The following TCF4 variants were observed in gnomAD, a reference collection of about 807,000 sequenced individuals.
The protein encoded by TCF4 is SL3-3 enhancer factor 2.
A neutral mutation model predicts 82.1 loss-of-function variants in TCF4; 3 were observed. The ratio of observed to expected loss-of-function variants is 0.04; its 90% confidence interval spans 0.02 to 0.09. The LOEUF is 0.09. TCF4 is among the 10% of genes least tolerant of loss of function. TCF4 has a pLI of 1.00. For synonymous variants in TCF4, 276 were observed against 309.6 expected, an observed-to-expected ratio of 0.89 and a Z score of 1.14; for missense variants, 518 against 852.7, an observed-to-expected ratio of 0.61 and a Z score of 4.89.
intron 2 of TCF4, among the ~76,000 whole-genome samples, chr18:55,628,514 A>G (rs909400125): frequency 7.9e-5 from 12 of 152,176 alleles, no homozygotes; most frequent in African/African-American, 2.2e-4. Flanking sequence ...CTTATTTTTA[A>G]ATGTTGTGTT....
At chr18:55,432,274 G>T (rs375411643) in intron 5 of TCF4, among the ~76,000 whole-genome samples, 8 of 152,264 alleles carry the variant, frequency 5.3e-5, no homozygotes, top group East Asian at 3.9e-4. Flanking sequence ...CTGCATTCCA[G>T]CCTGGGCGAC....
At chr18:55,458,147 C>G (rs1039875202) in intron 5 of TCF4, among the ~76,000 whole-genome samples, 3 of 152,116 alleles carry the variant, frequency 2.0e-5, no homozygotes, top group Non-Finnish European at 4.4e-5. Context: ...TAGCAGACGC[C>G]TAATTCAGTC....
At chr18:55,575,113 A>T (rs1363595692) in intron 3 of TCF4, among the ~76,000 whole-genome samples, 1 of 152,218 alleles carries the variant, frequency 6.6e-6, no homozygotes, top group Non-Finnish European at 1.5e-5. Context: ...TATAAAAGAG[A>T]AATTGTTCAA....
intron 8 of TCF4, among the ~76,000 whole-genome samples, chr18:55,297,746 C>T (rs185127596): frequency 2.0e-5 from 3 of 150,186 alleles, no homozygotes; most frequent in African/African-American, 7.3e-5. Context: ...TGAATAACTA[C>T]AAACAAAAAA....
intron 3 of TCF4, among the ~76,000 whole-genome samples, chr18:55,494,973 A>C (rs983061310): frequency 6.6e-6 from 1 of 151,240 alleles, no homozygotes; most frequent in Non-Finnish European, 1.5e-5. Context: ...TTTAAAAAAA[A>C]AAAAAAAGAA....
intron 6 of TCF4, among the ~76,000 whole-genome samples, chr18:55,357,395 G>C (rs1013196538): frequency 6.6e-6 from 1 of 152,106 alleles, no homozygotes; most frequent in Non-Finnish European, 1.5e-5. Flanking sequence ...TCTCAGTTCA[G>C]GAAGTTCATT....
chr18:55,275,608 G>A lies in TCF4; in HGVS notation c.789+11C>T, dbSNP rs2061360364. The A allele has an allele frequency of 6.2e-7, 1 of 1,613,660 alleles. No individual in the cohort carries two copies. Among genetic ancestry groups the A allele is most frequent in the Non-Finnish European group, 8.5e-7 (1 of 1,179,688 alleles). ...CTGTGACATTCCCGTTACCGTGTAT[G>A]TCTGCCTTACCAAACGTTCATGTGG... On this transcript the variant is annotated intron_variant, in intron 10 of 19. Coordinates refer to ENST00000354452, the MANE Select transcript of TCF4 (RefSeq NM_001083962.2).
At chr18:55,422,276 TA>T (rs1407747563) in intron 5 of TCF4, 1 of 985,222 alleles carries the variant, frequency 1.0e-6, no homozygotes, top group East Asian at 1.1e-4. Context: ...TGTGGATGAA[TA>T]AACTGTTGTG....
intron 6 of TCF4, among the ~76,000 whole-genome samples, chr18:55,369,789 G>A (rs137895330): frequency 1.9e-4 from 29 of 152,318 alleles, no homozygotes; most frequent in Middle Eastern, 3.4e-3. Flanking sequence ...GTTTATAAAC[G>A]TCAAAATTCA....
chr18:55,363,519 C>T (rs2086030561), intron 6 of TCF4, among the ~76,000 whole-genome samples: 1 of 152,034 alleles, frequency 6.6e-6, no homozygotes, highest in Non-Finnish European at 1.5e-5. Context: ...CAAAACATTA[C>T]CCAGCTGGGC....
intron 3 of TCF4, chr18:55,518,946 A>G (rs2096909207): frequency 6.6e-6 from 1 of 152,154 alleles, no homozygotes; most frequent in Non-Finnish European, 1.5e-5. Context: ...ATATCCAAGC[A>G]TGCCACACAA....
intron 5 of TCF4, among the ~76,000 whole-genome samples, chr18:55,437,739 G>A (rs1162681368): frequency 2.0e-5 from 3 of 152,176 alleles, no homozygotes; most frequent in Admixed American, 6.5e-5. Flanking sequence ...GTATGAATGG[G>A]CCACATGTTA....
rs141695704 is a variant in TCF4, at chr18:55,234,859, T to C, written c.1351-176A>G. Among the ~76,000 whole-genome samples the C allele has an allele frequency of 1.2e-4, 18 of 152,220 alleles. No individual in the cohort carries two copies. In the East Asian group the frequency reaches 3.5e-3, roughly 29 times the overall value. On this transcript the variant is annotated intron_variant, in intron 15 of 19. Transcript: ENST00000354452. Reference sequence around the variant, plus strand: ...ACCTATAGTTCCCGGCGAAAACACTTAACACTCAGTAAGATGCCGTGCTGT... The same window carrying C: ...ACCTATAGTTCCCGGCGAAAACACTCAACACTCAGTAAGATGCCGTGCTGT...
intron 3 of TCF4, among the ~76,000 whole-genome samples, chr18:55,470,726 T>C (rs1330246526): frequency 6.6e-6 from 1 of 152,196 alleles, no homozygotes; most frequent in African/African-American, 2.4e-5. Context: ...TTTATGAAAT[T>C]AGAAAAATGC....
At chr18:55,455,210 A>G (rs1334681364) in intron 5 of TCF4, among the ~76,000 whole-genome samples, 1 of 150,550 alleles carries the variant, frequency 6.6e-6, no homozygotes, top group Admixed American at 6.6e-5. Context: ...AAAAGAAAAG[A>G]AAAAGAAGAA....
chr18:55,277,579 T>C (rs897720700), intron 9 of TCF4, among the ~76,000 whole-genome samples: 3 of 151,216 alleles, frequency 2.0e-5, no homozygotes, highest in African/African-American at 4.9e-5. Context: ...AAATTAATTG[T>C]GCTCATCAAA....
At chr18:55,395,827 A>C (rs552409593) in intron 6 of TCF4, among the ~76,000 whole-genome samples, 12 of 152,244 alleles carry the variant, frequency 7.9e-5, no homozygotes, top group Non-Finnish European at 1.6e-4. Context: ...GTGAATTGGC[A>C]TATTCCACCC....
intron 5 of TCF4, among the ~76,000 whole-genome samples, chr18:55,432,647 G>A (rs562529624): frequency 2.0e-4 from 30 of 152,188 alleles, no homozygotes; most frequent in South Asian, 1.2e-3. Context: ...TCCTCTACTC[G>A]CCCCTCTCCA....
At chr18:55,468,353 A>G (rs1000244738) in intron 3 of TCF4, among the ~76,000 whole-genome samples, 2 of 152,224 alleles carry the variant, frequency 1.3e-5, no homozygotes, top group African/African-American at 2.4e-5. Flanking sequence ...GACAATAACC[A>G]TCAGATAAAA....
Sources: allele counts gnomAD v4.1 joint callset (sites outside exome capture counted in the v4.1 genomes callset), GRCh38; gene constraint gnomAD v4.1.1; transcripts MANE v1.5; gene names NCBI Gene and HGNC (gene_info 2026-07-23, HGNC 2026-07-21).